LRCH3: variants seen among roughly 807,000 people sequenced by gnomAD.
The protein encoded by LRCH3 is DISP complex protein LRCH3.
LRCH3 carries 68 observed loss-of-function variants against 104.5 expected under a neutral mutation model. That is an observed-to-expected ratio of 0.65 (90% confidence interval 0.54 to 0.80). The LOEUF is 0.80. Among genes scored for constraint, LRCH3 ranks in the 30% least tolerant of loss-of-function variants. The probability of loss-of-function intolerance (pLI) is 0.00; values close to 1 mark genes in which losing one functional copy is unlikely to be tolerated. For synonymous variants in LRCH3, 344 were observed against 361.3 expected, an observed-to-expected ratio of 0.95 and a Z score of 0.54; for missense variants, 951 against 953.9, an observed-to-expected ratio of 1.00 and a Z score of 0.04.
intron 10 of LRCH3, among the ~76,000 whole-genome samples, chr3:197,844,881 A>C (rs1237746738): frequency 1.3e-5 from 2 of 151,936 alleles, no homozygotes; most frequent in Non-Finnish European, 2.9e-5. Context: ...CGGCCTCCCA[A>C]AGAAGTGCTG....
intron 9 of LRCH3, among the ~76,000 whole-genome samples, chr3:197,837,349 AG>A (rs1736970084): frequency 6.6e-6 from 1 of 152,198 alleles, no homozygotes; most frequent in Non-Finnish European, 1.5e-5. Flanking sequence ...ATAAAAAAAT[AG>A]TATTTCTTTA....
chr3:197,824,875 C>T (rs1734972513), intron 4 of LRCH3, among the ~76,000 whole-genome samples: 1 of 152,152 alleles, frequency 6.6e-6, no homozygotes, highest in Non-Finnish European at 1.5e-5. Flanking sequence ...TGGCCTGCTG[C>T]CCAGCTTTCT....
intron 12 of LRCH3, among the ~76,000 whole-genome samples, chr3:197,848,658 T>A (rs564226032): frequency 1.6e-4 from 25 of 152,382 alleles, no homozygotes; most frequent in Admixed American, 6.5e-4. Context: ...TCCATGAAGG[T>A]AAGAACCATG....
chr3:197,859,972 T>C (rs1294385673), intron 15 of LRCH3, among the ~76,000 whole-genome samples: 1 of 152,250 alleles, frequency 6.6e-6, no homozygotes, highest in Non-Finnish European at 1.5e-5. Context: ...CATCCCTCGT[T>C]AGAGCTTGCT....
intron 12 of LRCH3, chr3:197,850,743 G>T: frequency 7.6e-7 from 1 of 1,322,916 alleles, no homozygotes; most frequent in South Asian, 1.2e-5. Flanking sequence ...CTTGGCCTGC[G>T]CACACCTGCC....
At chr3:197,849,245 T>C (rs576200864) in intron 12 of LRCH3, among the ~76,000 whole-genome samples, 1 of 142,642 alleles carries the variant, frequency 7.0e-6, no homozygotes, top group South Asian at 2.2e-4. Flanking sequence ...TGCAGCCTGG[T>C]TGACAGAGTG....
chr3:197,853,034 A>G (rs1482893289), intron 13 of LRCH3, among the ~76,000 whole-genome samples: 1 of 152,128 alleles, frequency 6.6e-6, no homozygotes, highest in Non-Finnish European at 1.5e-5. Context: ...CAAATAGTAC[A>G]TTTTTCTTAC....
intron 20 of LRCH3, among the ~76,000 whole-genome samples, chr3:197,880,206 A>C (rs1005854201): frequency 1.3e-5 from 2 of 151,944 alleles, no homozygotes; most frequent in East Asian, 1.9e-4. Context: ...CGGCCTCCCA[A>C]AGTGCTGGGA....
In LRCH3 at chr3:197,810,871, G is replaced by C. The variant is rs1405805315; in HGVS notation, c.263-4037G>C. Among the ~76,000 whole-genome samples, 2 of 151,806 alleles carry C rather than the reference G, an allele frequency of 1.3e-5. No homozygotes were observed. Among genetic ancestry groups the C allele is most frequent in the Non-Finnish European group, 2.9e-5 (2 of 67,972 alleles). ...GTTTTTAAAAGATAACCTAAAGTCA[G>C]GTTAAAAAAAATAAGACTTTTGAAT... On this transcript the variant is annotated intron_variant, in intron 1 of 20. Transcript: ENST00000425562. This position sits in a 1 kb window ranked among gnomAD's most constrained non-coding sequence, Gnocchi z 4.0.
chr3:197,824,423 G>A (rs1423826644), intron 4 of LRCH3, among the ~76,000 whole-genome samples: 1 of 140,978 alleles, frequency 7.1e-6, no homozygotes, highest in East Asian at 2.2e-4. Context: ...TTATTTTTAT[G>A]TGTGTCTATG....
At position 197,854,568 on chromosome 3, in the gene LRCH3, C is replaced by A; in HGVS notation, c.1644+123C>A. ...TCATTACTAAATGCTTTATGAAGAACTAAACCATTTTCCCACATGACCATT... is the reference window on the plus strand; with the variant it reads ...TCATTACTAAATGCTTTATGAAGAAATAAACCATTTTCCCACATGACCATT... On this transcript the variant is annotated intron_variant, in intron 14 of 20. Transcript: ENST00000425562. This position sits in a 1 kb window ranked among gnomAD's most constrained non-coding sequence, Gnocchi z 4.5. The A allele has an allele frequency of 1.1e-6, 1 of 947,774 alleles. No individual in the cohort carries two copies. 58.7% of individuals were successfully genotyped at this position (947,774 alleles called of 1,614,324 possible).
chr3:197,831,179 CTAGA>C (rs1375342257), intron 7 of LRCH3: 3 of 220,194 alleles, frequency 1.4e-5, no homozygotes, highest in Non-Finnish European at 2.7e-5. Flanking sequence ...AGCAGAGGTG[CTAGA>C]TGGTGAGAAA....
intron 1 of LRCH3, among the ~76,000 whole-genome samples, chr3:197,801,959 T>C (rs1186029947): frequency 6.6e-6 from 1 of 152,148 alleles, no homozygotes; most frequent in Non-Finnish European, 1.5e-5. Flanking sequence ...CTTATTTCCT[T>C]TCTGGTTGTC....
At chr3:197,880,099 C>A (rs567671345) in intron 20 of LRCH3, among the ~76,000 whole-genome samples, 122 of 151,238 alleles carry the variant, frequency 8.1e-4, no homozygotes, top group South Asian at 6.3e-4. Flanking sequence ...GCGCCCGCCA[C>A]CACGCCCGGC....
At chr3:197,846,446 A>G (rs1040208562) in intron 10 of LRCH3, among the ~76,000 whole-genome samples, 1 of 150,480 alleles carries the variant, frequency 6.6e-6, no homozygotes, top group Non-Finnish European at 1.5e-5. Context: ...CCTGTAATCC[A>G]ATTACTTTAG....
At chr3:197,873,062 T>C (rs897590308) in intron 19 of LRCH3, among the ~76,000 whole-genome samples, 1 of 152,134 alleles carries the variant, frequency 6.6e-6, no homozygotes, top group Non-Finnish European at 1.5e-5. Context: ...AACTGGCAGG[T>C]TCTCTTTGCA....
intron 12 of LRCH3, chr3:197,848,468 A>C (rs1276590071): frequency 1.3e-5 from 2 of 153,548 alleles, no homozygotes; most frequent in Non-Finnish European, 2.9e-5. Flanking sequence ...ACACACATCC[A>C]ATTAACAACG....
intron 1 of LRCH3, among the ~76,000 whole-genome samples, chr3:197,794,832 C>G (rs149002166): frequency 6.6e-6 from 1 of 151,960 alleles, no homozygotes; most frequent in Admixed American, 6.6e-5. Flanking sequence ...TGGTGAAACC[C>G]GGTCTCAACT....
chr3:197,879,923 C>T (rs1319150780), intron 20 of LRCH3, among the ~76,000 whole-genome samples: 5 of 151,112 alleles, frequency 3.3e-5, no homozygotes, highest in Non-Finnish European at 5.9e-5. Context: ...CGACCCTAAA[C>T]CAACATCCAC....
Sources: allele counts gnomAD v4.1 joint callset (sites outside exome capture counted in the v4.1 genomes callset), GRCh38; gene constraint gnomAD v4.1.1; non-coding constraint Gnocchi (gnomAD v3.1); transcripts MANE v1.5; gene names NCBI Gene and HGNC (gene_info 2026-07-23, HGNC 2026-07-21).